Variants in NOS1 observed in about 807,000 individuals in gnomAD.
NOS1 encodes the protein NOS type I.
In NOS1, 51 loss-of-function variants were observed where a neutral mutation model predicts 164.5. That is an observed-to-expected ratio of 0.31 (90% CI 0.25 to 0.39). The LOEUF is 0.39. Ranked by LOEUF, NOS1 falls within the 10% of genes least tolerant of loss-of-function variation. NOS1 has a pLI of 1.00. For missense variants in NOS1, 1,362 were observed against 1,885.6 expected (o/e 0.72, Z 5.14); for synonymous variants, 719 against 745.8 (o/e 0.96, Z 0.59).
rs1471696897 is a variant in NOS1 at position 117,290,390 on chromosome 12, C to G, written c.889G>C (p.Gly297Arg). ...AAGCGTGGACACTTGGAGGGGCTGC[C>G]ATTCTTTGTGGGGGACTGTTTTCCT... is the stretch of plus-strand genomic sequence containing the variant. Reference protein sequence around the residue: ...TSGKQSPTKNGSPSKCPRFLK... With the variant: ...TSGKQSPTKNRSPSKCPRFLK... The change falls in exon 4 of 29, where the codon GGC becomes CGC. Residue 297 changes from glycine (G) to arginine (R), a missense_variant. By Grantham distance (125) the Gly-to-Arg change is moderately radical. Coordinates refer to ENST00000317775, the MANE Select transcript of NOS1 (RefSeq NM_000620.5). The G allele has an allele frequency of 1.2e-6, 2 of 1,613,598 alleles. No homozygotes were observed. Among genetic ancestry groups the G allele is most frequent in the Non-Finnish European group, 1.7e-6 (2 of 1,179,752 alleles).
chr12:117,350,957 C>CA, intron 1 of NOS1, among the ~76,000 whole-genome samples: 1 of 152,078 alleles, frequency 6.6e-6, no homozygotes, highest in African/African-American at 2.4e-5. Flanking sequence ...ACTAAAAATA[C>CA]AAAAAAATTA....
At chr12:117,266,211 C>T (rs138384991) in intron 11 of NOS1, among the ~76,000 whole-genome samples, 3,042 of 152,124 alleles carry the variant, frequency 0.02, 42 homozygotes, top group South Asian at 0.043. Context: ...ACCCATCGCC[C>T]GAGCAGTATA....
In NOS1 at chr12:117,209,024, G is replaced by A; in HGVS notation, c.*6285C>T. Reference sequence around the variant, plus strand: ...AGGCATGAGCCACCACGCCTGGCCTGGGAGGGGTTTTTGAAAGCATACTGC... The same window carrying A: ...AGGCATGAGCCACCACGCCTGGCCTAGGAGGGGTTTTTGAAAGCATACTGC... On this transcript the variant is annotated 3_prime_UTR_variant, in exon 29 of 29. Coordinates refer to ENST00000317775, the MANE Select transcript of NOS1 (RefSeq NM_000620.5). 1.0e-6 allele frequency: 1 copy of A among 985,012 alleles called. No individual in the cohort carries two copies. Among genetic ancestry groups the A allele is most frequent in the Non-Finnish European group, 1.2e-6 (1 of 829,670 alleles). The allele number at this position is 985,012 out of a possible 1,614,324, so 61.0% of individuals were successfully genotyped here.
intron 9 of NOS1, among the ~76,000 whole-genome samples, chr12:117,277,203 G>T (rs1245824584): frequency 6.6e-6 from 1 of 151,964 alleles, no homozygotes; most frequent in Non-Finnish European, 1.5e-5. Flanking sequence ...CTATCTCATT[G>T]TGGTTTTGAT....
At chr12:117,293,768 TTAC>T in intron 3 of NOS1, among the ~76,000 whole-genome samples, 1 of 152,210 alleles carries the variant, frequency 6.6e-6, no homozygotes, top group East Asian at 1.9e-4. Flanking sequence ...TCTGCAAGTA[TTAC>T]TACTACACTA....
intron 8 of NOS1, among the ~76,000 whole-genome samples, chr12:117,280,089 G>C (rs190233974): frequency 1.3e-5 from 2 of 152,174 alleles, no homozygotes; most frequent in African/African-American, 4.8e-5. Context: ...GGCATGGTCC[G>C]TATAAGCTAC....
chr12:117,344,375 C>A (rs1876251130), intron 1 of NOS1, among the ~76,000 whole-genome samples: 1 of 152,196 alleles, frequency 6.6e-6, no homozygotes. Flanking sequence ...AAATGATCAA[C>A]TTTTTCAATT....
At chr12:117,297,860 G>GA (rs1380775541) in intron 3 of NOS1, among the ~76,000 whole-genome samples, 8 of 152,108 alleles carry the variant, frequency 5.3e-5, no homozygotes, top group African/African-American at 1.9e-4. Flanking sequence ...TCACTGTCAC[G>GA]AGCCTCACAG....
Position 117,330,800 on chromosome 12 carries a change from C to A in NOS1, c.270G>T (p.Glu90Asp). Residue 90 changes from glutamate (E) to aspartate (D), a missense_variant, in exon 2 of 29, where the codon GAG becomes GAT. Glu to Asp is a conservative substitution (Grantham distance 45). Transcript: ENST00000317775. The surrounding 1 kb of genome is among the most constrained non-coding windows in gnomAD (Gnocchi z 4.6). Reference protein sequence around the residue: ...ALEVLRGIASETHVVLILRGP... With the variant: ...ALEVLRGIASDTHVVLILRGP... Reference sequence around the variant, plus strand: ...CCCTCAGAATGAGGACCACGTGGGTCTCAGAGGCAATGCCTCTGAGTACCT... The same window carrying A: ...CCCTCAGAATGAGGACCACGTGGGTATCAGAGGCAATGCCTCTGAGTACCT... The A allele has an allele frequency of 1.2e-6, 2 of 1,614,076 alleles. No homozygotes were observed. The highest frequency in any genetic ancestry group is 8.5e-7 in the Non-Finnish European group (1 of 1,180,006).
At chr12:117,220,048 G>A (rs2135923491) in intron 27 of NOS1, 27 bp downstream of exon 27, 3 of 1,580,440 alleles carry the variant, frequency 1.9e-6, no homozygotes, top group Non-Finnish European at 1.7e-6. Flanking sequence ...TAGGAAAAGG[G>A]ACCTGGGAAG....
intron 3 of NOS1, among the ~76,000 whole-genome samples, chr12:117,296,745 G>A (rs1873444938): frequency 6.6e-6 from 1 of 152,164 alleles, no homozygotes; most frequent in Non-Finnish European, 1.5e-5. Context: ...ACCCCCATGT[G>A]ATTTTGTTGG....
chr12:117,361,109 C>A (rs1476763524), intron 1 of NOS1, among the ~76,000 whole-genome samples: 1 of 152,096 alleles, frequency 6.6e-6, no homozygotes, highest in Non-Finnish European at 1.5e-5. Context: ...GCGCGGGACG[C>A]CTGGATCAGG....
chr12:117,327,634 C>A lies in NOS1; in HGVS notation c.725+2711G>T, dbSNP rs17430945. Among the ~76,000 whole-genome samples the A allele has an allele frequency of 5.5e-3, 838 of 152,292 alleles. 4 individuals carry two copies. The highest frequency in any genetic ancestry group is 8.8e-3 in the Non-Finnish European group (597 of 68,020). On this transcript the variant is annotated intron_variant, in intron 2 of 28. Transcript: ENST00000317775. ...GGCTACCCACTCTGGAAATGGACATCCAATGCCACAGAGTTCCCCACGCAT... is the reference window on the plus strand; with the variant it reads ...GGCTACCCACTCTGGAAATGGACATACAATGCCACAGAGTTCCCCACGCAT...
Position 117,211,210 on chromosome 12 carries a change from G to T in NOS1, c.*4099C>A. 6.2e-6 allele frequency: 6 copies of T among 971,070 alleles called. No homozygotes were observed. The highest frequency in any genetic ancestry group is 7.3e-6 in the Non-Finnish European group (6 of 816,928). 60.2% of individuals were successfully genotyped at this position (971,070 alleles called of 1,614,324 possible). A position where few individuals can be genotyped will look rare whatever the true frequency, so the allele number is the denominator to read the frequency against. ...TGACCTCAACTGATACACCCACCTC[G>T]GCCTCCCAAAGTGCTGGGATTACAG... is the stretch of plus-strand genomic sequence containing the variant. On this transcript the variant is annotated 3_prime_UTR_variant, in exon 29 of 29. Coordinates refer to ENST00000317775, the MANE Select transcript of NOS1 (RefSeq NM_000620.5).
At chr12:117,337,572 C>T (rs1875896385) in intron 1 of NOS1, among the ~76,000 whole-genome samples, 1 of 152,152 alleles carries the variant, frequency 6.6e-6, no homozygotes, top group African/African-American at 2.4e-5. Flanking sequence ...TGGTAACAGC[C>T]AGGCAGAAGA....
intron 28 of NOS1, 91 bp downstream of exon 28, chr12:117,217,954 AC>A: frequency 1.1e-6 from 1 of 895,738 alleles, no homozygotes; most frequent in Non-Finnish European, 1.8e-6. Flanking sequence ...TGTTTTGGGG[AC>A]CCTGCCGTGG....
rs1263546084 is a variant in NOS1 at position 117,277,858 on chromosome 12, C to A, written c.1664+101G>T. 2.3e-5 allele frequency: 31 copies of A among 1,354,946 alleles called. No individual in the cohort carries two copies. In the Middle Eastern group the frequency reaches 1.0e-3, roughly 44 times the overall value. 83.9% of individuals were successfully genotyped at this position (1,354,946 alleles called of 1,614,324 possible). On this transcript the variant is annotated intron_variant, in intron 9 of 28. Coordinates refer to ENST00000317775, the MANE Select transcript of NOS1 (RefSeq NM_000620.5). ...AAGCCCCCCTTTCCCCTTTCAGCTT[C>A]GGTCTGGACTAGAAAGAAAGCCAGG...
rs776575538 is a variant in NOS1 at position 117,247,463 on chromosome 12, G to A, written c.2708C>T (p.Ala903Val). The change falls in exon 18 of 29, where the codon GCT becomes GTT. Residue 903 changes from alanine to valine, a missense_variant. Transcript: ENST00000317775. Reference sequence around the variant, plus strand: ...CAGTTCTTCCAGGAGGGTGTCCACAGCGTGTCCGAAGGCGCAAAAGTGAGG... The same window carrying A: ...CAGTTCTTCCAGGAGGGTGTCCACAACGTGTCCGAAGGCGCAAAAGTGAGG... ...AYPHFCAFGH[A>V]VDTLLEELGG... is the part of the protein sequence containing the mutation. 2 of 1,613,160 alleles carry A rather than the reference G, an allele frequency of 1.2e-6. No individual in the cohort carries two copies. Among genetic ancestry groups the A allele is most frequent in the Non-Finnish European group, 1.7e-6 (2 of 1,179,748 alleles).
Position 117,330,507 on chromosome 12 carries a change from G to C in NOS1, c.563C>G (p.Ala188Gly), listed in dbSNP as rs374847966. Reference protein sequence around the residue: ...LAPRPPGQDPAKKATRVSLQG... With the variant: ...LAPRPPGQDPGKKATRVSLQG... ...GAGGCTGACTCTGGTTGCTTTCTTC[G>C]CGGGGTCCTGGCCTGGGGGCCTGGG... Residue 188 changes from alanine (A) to glycine (G), a missense_variant, in exon 2 of 29, where the codon GCG (alanine) becomes GGG (glycine). By Grantham distance (60) the Ala-to-Gly change is moderately conservative. Around this residue, in one of 4 missense-constraint regions of NOS1, gnomAD observed 362 missense variants for 402.0 expected, o/e 0.90. Transcript: ENST00000317775. The surrounding 1 kb of genome is among the most constrained non-coding windows in gnomAD (Gnocchi z 4.6). The C allele has an allele frequency of 1.9e-6, 3 of 1,614,024 alleles. No homozygotes were observed. The highest frequency in any genetic ancestry group is 2.5e-6 in the Non-Finnish European group (3 of 1,180,038).
Sources: allele counts gnomAD v4.1 joint callset (sites outside exome capture counted in the v4.1 genomes callset), GRCh38; gene constraint gnomAD v4.1.1; regional missense constraint gnomAD v4.1.1; non-coding constraint Gnocchi (gnomAD v3.1); transcripts MANE v1.5; gene names NCBI Gene and HGNC (gene_info 2026-07-23, HGNC 2026-07-21).